ESRRG: variants seen among roughly 807,000 people sequenced by gnomAD.
ESRRG encodes estrogen related receptor gamma, also known as estrogen-related receptor gamma.
Under a neutral mutation model 44.0 loss-of-function variants are expected in ESRRG, and 13 were observed. That is an observed-to-expected ratio of 0.30 (90% CI 0.19 to 0.47). The LOEUF (loss-of-function observed/expected upper bound fraction) is 0.47. ESRRG is among the 20% of genes least tolerant of loss of function. The pLI is 1.00. For synonymous variants in ESRRG, 215 were observed against 214.6 expected, an observed-to-expected ratio of 1.00 and a Z score of -0.02; for missense variants, 395 against 580.6, an observed-to-expected ratio of 0.68 and a Z score of 3.29.
chr1:216,506,549 GA>G lies in ESRRG; in HGVS notation c.*389del. The stretch of plus-strand genomic sequence containing the variant: ...TTAAACTAAAGCTATTTCAAATTTA[GA>G]AAAAAGGGGAAGGATGAGAAAAGAG... On this transcript the variant is annotated 3_prime_UTR_variant, in exon 7 of 7. Coordinates refer to ENST00000408911, the MANE Select transcript of ESRRG (RefSeq NM_001438.4). 4.7e-6 allele frequency: 2 copies of G among 428,308 alleles called. No homozygotes were observed. The highest frequency in any genetic ancestry group is 2.1e-5 in the African/African-American group (1 of 47,892). 26.5% of individuals were successfully genotyped at this position (428,308 alleles called of 1,614,324 possible).
chr1:216,816,125 A>C (rs1038058891), intron 2 of ESRRG, among the ~76,000 whole-genome samples: 1 of 152,184 alleles, frequency 6.6e-6, no homozygotes, highest in Non-Finnish European at 1.5e-5. Context: ...ACCAGCATTC[A>C]TCGTGGGTCA....
At chr1:216,823,306 T>C (rs1292078320) in intron 2 of ESRRG, among the ~76,000 whole-genome samples, 4 of 152,170 alleles carry the variant, frequency 2.6e-5, no homozygotes, top group Admixed American at 2.6e-4. Flanking sequence ...ATGAAATCAA[T>C]TGATTGTTTT....
rs2070437929 is a variant in ESRRG, at chr1:216,656,017, C to G, written c.473-4928G>C. Among the ~76,000 whole-genome samples, 3 of 152,126 alleles carry G rather than the reference C, an allele frequency of 2.0e-5. No individual in the cohort carries two copies. The South Asian group carries it at 6.2e-4, about 32-fold the overall frequency. On this transcript the variant is annotated intron_variant, in intron 2 of 6. Transcript: ENST00000408911. ...TTGGTAATGGTTCAAAGACATGACT[C>G]CCAGTAGACCATATGATCTCTATGG...
chr1:216,578,103 A>C (rs975380521), intron 3 of ESRRG, among the ~76,000 whole-genome samples: 1 of 152,104 alleles, frequency 6.6e-6, no homozygotes, highest in African/African-American at 2.4e-5. Flanking sequence ...AAATAAAGTA[A>C]ATCTAGTATA....
chr1:216,714,173 T>C (rs2084281581), intron 1 of ESRRG, among the ~76,000 whole-genome samples: 1 of 152,108 alleles, frequency 6.6e-6, no homozygotes, highest in African/African-American at 2.4e-5. Context: ...AGCACTCAAC[T>C]AGAATGCACT....
At position 216,800,150 on chromosome 1, in the gene ESRRG, C is replaced by T. The variant is rs375422473; in HGVS notation, c.-13-122659G>A. Among the ~76,000 whole-genome samples the T allele has an allele frequency of 3.3e-5, 5 of 152,108 alleles. No individual in the cohort carries two copies. In the East Asian group the frequency reaches 9.6e-4, roughly 29 times the overall value. On this transcript the variant is annotated intron_variant, in intron 2 of 7. Transcript: ENST00000359162. ...TGAACTAATAAAACAGATGATTTTA[C>T]TGAAAACTTAACACCTCTCAACACA...
chr1:216,857,377 G>T (rs896482447), intron 2 of ESRRG, among the ~76,000 whole-genome samples: 1 of 145,784 alleles, frequency 6.9e-6, no homozygotes, highest in African/African-American at 2.5e-5. Flanking sequence ...AAAAAAAAAA[G>T]AAAAAAACTT....
intron 3 of ESRRG, among the ~76,000 whole-genome samples, chr1:216,616,654 T>C (rs1324272717): frequency 6.6e-6 from 1 of 152,138 alleles, no homozygotes; most frequent in Non-Finnish European, 1.5e-5. Flanking sequence ...GTAAAGGCCT[T>C]TGCTGATTTT....
At chr1:217,030,516 G>A (rs961588163) in intron 1 of ESRRG, among the ~76,000 whole-genome samples, 2 of 152,188 alleles carry the variant, frequency 1.3e-5, no homozygotes, top group Admixed American at 6.5e-5. Flanking sequence ...GCCTAGCTGT[G>A]TGACCTTGAG....
intron 1 of ESRRG, among the ~76,000 whole-genome samples, chr1:216,693,626 A>T (rs2079526395): frequency 6.6e-6 from 1 of 152,210 alleles, no homozygotes; most frequent in Non-Finnish European, 1.5e-5. Context: ...AATACAACGT[A>T]AATGCTACGT....
At chr1:216,953,055 C>T (rs1183444815) in intron 1 of ESRRG, among the ~76,000 whole-genome samples, 4 of 152,136 alleles carry the variant, frequency 2.6e-5, no homozygotes, top group East Asian at 1.9e-4. Flanking sequence ...TTCTCCCCCA[C>T]ATAAATATGG....
intron 2 of ESRRG, among the ~76,000 whole-genome samples, chr1:216,784,992 C>T (rs565295855): frequency 5.3e-5 from 8 of 151,856 alleles, no homozygotes; most frequent in East Asian, 1.9e-4. Flanking sequence ...ATGTTCCCTC[C>T]GAGACGATGG....
intron 5 of ESRRG, among the ~76,000 whole-genome samples, chr1:216,540,270 G>T (rs951566838): frequency 6.6e-6 from 1 of 151,874 alleles, no homozygotes; most frequent in African/African-American, 2.4e-5. Context: ...GTAAACTTCC[G>T]TACTCTATGC....
At chr1:216,662,526 T>C (rs551433093) in intron 2 of ESRRG, among the ~76,000 whole-genome samples, 23 of 152,238 alleles carry the variant, frequency 1.5e-4, no homozygotes, top group Middle Eastern at 3.4e-3. Flanking sequence ...AAAATCTGTA[T>C]ACCTGAACTG....
At chr1:216,691,199 A>C (rs1179595874) in intron 1 of ESRRG, among the ~76,000 whole-genome samples, 1 of 152,188 alleles carries the variant, frequency 6.6e-6, no homozygotes, top group Non-Finnish European at 1.5e-5. Context: ...ATATAGAATA[A>C]AGAAAAATGC....
At chr1:216,535,419 T>C (rs141285259) in intron 5 of ESRRG, among the ~76,000 whole-genome samples, 150 of 152,244 alleles carry the variant, frequency 9.9e-4, no homozygotes, top group African/African-American at 3.3e-3. Context: ...ACAGTCTTCC[T>C]GCCCGAATCA....
At chr1:216,517,948 T>TC (rs2044847198) in intron 6 of ESRRG, among the ~76,000 whole-genome samples, 1 of 152,116 alleles carries the variant, frequency 6.6e-6, no homozygotes, top group Admixed American at 6.5e-5. Context: ...GAAAACAATT[T>TC]CCCTCCTATC....
chr1:217,101,758 G>A (rs1252746804), intron 1 of ESRRG, among the ~76,000 whole-genome samples: 3 of 150,594 alleles, frequency 2.0e-5, no homozygotes, highest in Non-Finnish European at 4.4e-5. Flanking sequence ...CCATTCTTGT[G>A]TGTGTATGTG....
intron 2 of ESRRG, among the ~76,000 whole-genome samples, chr1:216,929,182 C>G (rs912884959): frequency 6.6e-6 from 1 of 152,154 alleles, no homozygotes; most frequent in African/African-American, 2.4e-5. Context: ...CAAGTCACAC[C>G]TGATTGTTTC....
Sources: allele counts gnomAD v4.1 joint callset (sites outside exome capture counted in the v4.1 genomes callset), GRCh38; gene constraint gnomAD v4.1.1; transcripts MANE v1.5; gene names NCBI Gene and HGNC (gene_info 2026-07-23, HGNC 2026-07-21).